The following DNMT1 variants were observed in gnomAD, a reference collection of about 807,000 sequenced individuals.
DNMT1 encodes DNA (cytosine-5)-methyltransferase 1.
In DNMT1, 24 loss-of-function variants were observed where a neutral mutation model predicts 205.3. The observed-to-expected ratio is 0.12, with a 90% CI of 0.08 to 0.16. The LOEUF is 0.16. Ranked by LOEUF, DNMT1 falls within the 10% of genes least tolerant of loss-of-function variation. The pLI is 1.00. For missense variants in DNMT1, 1,293 were observed against 2,177.7 expected (o/e 0.59, Z 8.09); for synonymous variants, 817 against 839.8 (o/e 0.97, Z 0.47).
chr19:10,190,109 AT>A (rs1349918088), intron 1 of DNMT1, among the ~76,000 whole-genome samples: 3 of 152,214 alleles, frequency 2.0e-5, no homozygotes, highest in African/African-American at 7.2e-5. Flanking sequence ...CTTATTCAGT[AT>A]GTACTCAGTA....
At chr19:10,189,687 G>A (rs1013761562) in intron 1 of DNMT1, among the ~76,000 whole-genome samples, 42 of 151,922 alleles carry the variant, frequency 2.8e-4, no homozygotes, top group Middle Eastern at 3.2e-3. Flanking sequence ...CCAAACTGCT[G>A]GGATTACAGG....
At chr19:10,160,545 G>C (rs1220545876) in intron 13 of DNMT1, 127 bp from the exon 14 acceptor site, 1 of 991,580 alleles carries the variant, frequency 1.0e-6, no homozygotes, top group East Asian at 2.7e-5. Flanking sequence ...GAGGCAGTGA[G>C]AGGGCCAGCA....
At chr19:10,158,557 G>T (rs529725321) in intron 17 of DNMT1, among the ~76,000 whole-genome samples, 1 of 152,348 alleles carries the variant, frequency 6.6e-6, no homozygotes, top group East Asian at 1.9e-4. Flanking sequence ...GAAGAACAAG[G>T]TGAAGCCCTG....
chr19:10,143,744 A>C (rs1450892114), intron 29 of DNMT1, 22 bp downstream of exon 29: 1 of 1,612,328 alleles, frequency 6.2e-7, no homozygotes, highest in Non-Finnish European at 8.5e-7. Flanking sequence ...GGCCTCGTGG[A>C]AGAACAGAGG....
chr19:10,136,756 T>TG (rs1253983613), intron 37 of DNMT1, among the ~76,000 whole-genome samples: 2 of 144,980 alleles, frequency 1.4e-5, no homozygotes, highest in African/African-American at 5.2e-5. Context: ...ATTTATTTAT[T>TG]GTTTTTTTTT....
intron 39 of DNMT1, among the ~76,000 whole-genome samples, 159 bp from the exon 40 acceptor site, chr19:10,134,466 A>G (rs1418330931): frequency 6.6e-6 from 1 of 152,216 alleles, no homozygotes; most frequent in African/African-American, 2.4e-5. Context: ...AAACCCTTCC[A>G]GCACAAGATC....
chr19:10,179,231 GAGTA>G (rs1026556011), intron 5 of DNMT1, among the ~76,000 whole-genome samples: 1 of 151,942 alleles, frequency 6.6e-6, no homozygotes, highest in Non-Finnish European at 1.5e-5. Flanking sequence ...GTCTTAGAAG[GAGTA>G]AGTATTTGTA....
intron 11 of DNMT1, 146 bp from the exon 12 acceptor site, chr19:10,163,506 T>A: frequency 1.3e-6 from 1 of 797,620 alleles, no homozygotes. Context: ...CCTGGGCAGA[T>A]CTACCGGGTA....
In DNMT1 at chr19:10,136,113, C is replaced by G; in HGVS notation, c.4656+8G>C. ...ACCCAGGCCCTCGGATGCCCCCTCC[C>G]CACCTACCTGCTTGCCCATGGGCTC... On this transcript the variant is annotated splice_region_variant and intron_variant, in intron 38 of 40. Coordinates refer to ENST00000359526, the MANE Select transcript of DNMT1 (RefSeq NM_001130823.3). The G allele has an allele frequency of 6.2e-7, 1 of 1,613,958 alleles. No homozygotes were observed. Among genetic ancestry groups the G allele is most frequent in the Non-Finnish European group, 8.5e-7 (1 of 1,180,038 alleles).
intron 6 of DNMT1, among the ~76,000 whole-genome samples, chr19:10,175,916 C>T (rs1314042399): frequency 6.6e-6 from 1 of 152,128 alleles, no homozygotes; most frequent in Non-Finnish European, 1.5e-5. Context: ...GCCTATAATC[C>T]CAGCACTTTG....
intron 1 of DNMT1, among the ~76,000 whole-genome samples, chr19:10,186,909 G>T (rs1318503516): frequency 1.3e-5 from 2 of 150,474 alleles, no homozygotes; most frequent in Non-Finnish European, 2.9e-5. Context: ...GCTCACGCCT[G>T]CGGGATTCCC....
At chr19:10,141,872 T>TA in intron 30 of DNMT1, 156 bp downstream of exon 30, 1 of 832,924 alleles carries the variant, frequency 1.2e-6, no homozygotes, top group Non-Finnish European at 1.9e-6. Flanking sequence ...CAGACCCCCG[T>TA]AAAGCTCCTG....
Position 10,136,318 on chromosome 19 carries a change from T to C in DNMT1, c.4490-31A>G, listed in dbSNP as rs201753242. 3.0e-5 allele frequency: 49 copies of C among 1,612,166 alleles called. No individual in the cohort carries two copies. In the African/African-American group the frequency reaches 5.5e-4, roughly 18 times the overall value. ...AGACAGGACAGTGATGAGGCTGCAG[T>C]TGTGGGATGGGGTATAGGCTTGGGA... is the stretch of plus-strand genomic sequence containing the variant. On this transcript the variant is annotated intron_variant, in intron 37 of 40. Transcript: ENST00000359526.
intron 1 of DNMT1, among the ~76,000 whole-genome samples, chr19:10,187,991 A>T (rs542209546): frequency 1.3e-5 from 2 of 152,066 alleles, no homozygotes; most frequent in African/African-American, 4.8e-5. Flanking sequence ...AAAAAATAGT[A>T]ATTAGCTTGG....
In DNMT1 at chr19:10,140,540, T is replaced by C. The variant is rs1406997498; in HGVS notation, c.3524-212A>G. The C allele has an allele frequency of 2.2e-6, 2 of 910,646 alleles. No individual in the cohort carries two copies. The highest frequency in any genetic ancestry group is 2.7e-5 in the East Asian group (1 of 37,580). The allele number at this position is 910,646 out of a possible 1,614,324, so 56.4% of individuals were successfully genotyped here. ...ACACACCACCACGCCCAGCTAATTT[T>C]TGTATTCTTATTAGAGACGGGGTTT... On this transcript the variant is annotated intron_variant, in intron 32 of 40. Coordinates refer to ENST00000359526, the MANE Select transcript of DNMT1 (RefSeq NM_001130823.3). The surrounding 1 kb of genome is among the most constrained non-coding windows in gnomAD (Gnocchi z 8.4).
At chr19:10,189,933 G>A (rs931257161) in intron 1 of DNMT1, among the ~76,000 whole-genome samples, 4 of 151,988 alleles carry the variant, frequency 2.6e-5, no homozygotes, top group Admixed American at 1.3e-4. Context: ...CACCCCTGTC[G>A]AGCAGGCAGC....
In DNMT1 at chr19:10,180,869, T is replaced by C. The variant is rs757938210; in HGVS notation, c.134A>G (p.Lys45Arg). ...SLTEKECVKE[K>R]LNLLHEFLQT... Reference sequence around the variant, plus strand: ...CAGAAATTCGTGCAAGAGATTCAATTTCTCCTTCACACATTCCTAAGGGAA... The same window carrying C: ...CAGAAATTCGTGCAAGAGATTCAATCTCTCCTTCACACATTCCTAAGGGAA... The change falls in exon 3 of 41, where the codon AAA becomes AGA. Residue 45 changes from lysine (K) to arginine (R), a missense_variant. Physicochemically the swap from Lys to Arg is conservative, Grantham distance 26. Around this residue, in one of 13 missense-constraint regions of DNMT1, gnomAD observed 394 missense variants for 451.6 expected, o/e 0.87. Coordinates refer to ENST00000359526, the MANE Select transcript of DNMT1 (RefSeq NM_001130823.3). 1 of 1,614,206 alleles carries C rather than the reference T, an allele frequency of 6.2e-7. No homozygotes were observed. Among genetic ancestry groups the C allele is most frequent in the Admixed American group, 1.7e-5 (1 of 59,996 alleles).
At chr19:10,152,223 T>A (rs1599362867) in intron 22 of DNMT1, among the ~76,000 whole-genome samples, 1 of 64,852 alleles carries the variant, frequency 1.5e-5, no homozygotes, top group Non-Finnish European at 3.0e-5. Flanking sequence ...CAGCCCTTAC[T>A]AACAATGAGA....
At chr19:10,160,224 G>A in intron 14 of DNMT1, 160 bp downstream of exon 14, 3 of 1,508,740 alleles carry the variant, frequency 2.0e-6, no homozygotes, top group East Asian at 2.4e-5. Flanking sequence ...TTCACCGCAG[G>A]GGCATCCTGC....
Sources: gnomAD v4.1 joint callset for allele counts (sites outside exome capture counted in the v4.1 genomes callset) on GRCh38, gnomAD v4.1.1 for gene constraint, gnomAD v4.1.1 regional missense constraint, Gnocchi (gnomAD v3.1) non-coding constraint, MANE v1.5 for transcripts, NCBI Gene and HGNC (gene_info 2026-07-23, HGNC 2026-07-21) for gene names.